SNTG1: variants seen among roughly 807,000 people sequenced by gnomAD.
The protein encoded by SNTG1 is syntrophin gamma 1, also known as gamma-1-syntrophin.
Under a neutral mutation model 74.7 loss-of-function variants are expected in SNTG1, and 39 were observed. The ratio of observed to expected loss-of-function variants is 0.52; its 90% CI spans 0.40 to 0.68. The LOEUF is 0.68. SNTG1 is among the 30% of genes least tolerant of loss of function. The pLI, the probability that SNTG1 is intolerant of heterozygous loss-of-function variation, is 0.00. For missense variants in SNTG1, 685 were observed against 609.5 expected (o/e 1.12, Z -1.30); for synonymous variants, 254 against 217.1 (o/e 1.17, Z -1.49).
intron 4 of SNTG1, among the ~76,000 whole-genome samples, chr8:50,418,761 A>T (rs1424791304): frequency 6.6e-6 from 1 of 152,050 alleles, no homozygotes. Context: ...AATTCCCTTC[A>T]CAACGTTTCC....
chr8:50,679,364 A>G (rs146289923), intron 15 of SNTG1, among the ~76,000 whole-genome samples: 7 of 152,242 alleles, frequency 4.6e-5, no homozygotes, highest in Non-Finnish European at 8.8e-5. Flanking sequence ...TTCTGGCCCA[A>G]TTAATATCAA....
intron 13 of SNTG1, among the ~76,000 whole-genome samples, chr8:50,623,870 TTTA>T (rs1229682785): frequency 6.6e-6 from 1 of 151,514 alleles, no homozygotes; most frequent in Non-Finnish European, 1.5e-5. Flanking sequence ...TACTTTTGTT[TTTA>T]TTATCTCTTT....
At chr8:50,687,724 G>A (rs946151317) in intron 15 of SNTG1, among the ~76,000 whole-genome samples, 9 of 150,894 alleles carry the variant, frequency 6.0e-5, no homozygotes, top group Non-Finnish European at 1.2e-4. Context: ...CTCCCCCCTC[G>A]CCCCACCCCA....
chr8:50,282,357 C>A (rs1185726637), intron 2 of SNTG1, among the ~76,000 whole-genome samples: 1 of 149,374 alleles, frequency 6.7e-6, no homozygotes, highest in Non-Finnish European at 1.5e-5. Context: ...CACGTTTATT[C>A]TCCAAAATAA....
intron 12 of SNTG1, among the ~76,000 whole-genome samples, chr8:50,576,624 G>A (rs1254286874): frequency 6.6e-6 from 1 of 151,788 alleles, no homozygotes; most frequent in Non-Finnish European, 1.5e-5. Context: ...TATTTGTCTT[G>A]TTTAATTTTT....
At chr8:49,979,734 C>T (rs982318842) in intron 1 of SNTG1, among the ~76,000 whole-genome samples, 6 of 152,200 alleles carry the variant, frequency 3.9e-5, no homozygotes, top group Admixed American at 1.3e-4. Flanking sequence ...TGCCCGCCCT[C>T]GGAGCCTGCT....
intron 2 of SNTG1, among the ~76,000 whole-genome samples, chr8:50,354,583 C>T (rs965713165): frequency 1.3e-5 from 2 of 152,168 alleles, no homozygotes; most frequent in African/African-American, 4.8e-5. Context: ...ATTGTCTCTT[C>T]TGTTATATTA....
chr8:50,783,051 C>T (rs1360605984), intron 18 of SNTG1, among the ~76,000 whole-genome samples: 15 of 152,238 alleles, frequency 9.9e-5, no homozygotes, highest in African/African-American at 1.4e-4. Flanking sequence ...GCTGTCTGAT[C>T]GTTCCTCTGA....
chr8:50,221,923 T>C (rs954501966), intron 2 of SNTG1, among the ~76,000 whole-genome samples: 1 of 152,152 alleles, frequency 6.6e-6, no homozygotes, highest in African/African-American at 2.4e-5. Flanking sequence ...CAAATCAGCC[T>C]TCCCAGAAAT....
At position 50,632,329 on chromosome 8, in the gene SNTG1, G is replaced by A. The variant is rs952227118; in HGVS notation, c.850-24580G>A. Reference sequence around the variant, plus strand: ...TATTTATTTATTTATTTATTTATTTGAGAGAGGGTCTCACTCTGTTGTCCA... The same window carrying A: ...TATTTATTTATTTATTTATTTATTTAAGAGAGGGTCTCACTCTGTTGTCCA... On this transcript the variant is annotated intron_variant, in intron 13 of 18. Transcript: ENST00000642720. Among the ~76,000 whole-genome samples, 3 of 122,026 alleles carry A rather than the reference G, an allele frequency of 2.5e-5. 1 individual carries two copies. Among genetic ancestry groups the A allele is most frequent in the South Asian group, 5.0e-4 (2 of 4,016 alleles). 80.1% of individuals were successfully genotyped at this position (122,026 alleles called of 152,430 possible).
chr8:50,129,523 G>A (rs749785601), intron 1 of SNTG1, among the ~76,000 whole-genome samples: 2 of 152,094 alleles, frequency 1.3e-5, no homozygotes, highest in Non-Finnish European at 2.9e-5. Flanking sequence ...TGTCAGCAAA[G>A]CACAAGCTAC....
At chr8:50,494,040 A>C (rs924941168) in intron 8 of SNTG1, among the ~76,000 whole-genome samples, 1 of 151,450 alleles carries the variant, frequency 6.6e-6, no homozygotes, top group African/African-American at 2.4e-5. Flanking sequence ...TAGAGTTTTC[A>C]TTAGGAATTG....
At chr8:50,209,809 T>A (rs1017019422) in intron 2 of SNTG1, among the ~76,000 whole-genome samples, 2 of 152,170 alleles carry the variant, frequency 1.3e-5, no homozygotes, top group African/African-American at 4.8e-5. Flanking sequence ...AAAATCAGAA[T>A]GCCTCTTCTC....
intron 2 of SNTG1, among the ~76,000 whole-genome samples, chr8:50,323,394 G>A: frequency 6.6e-6 from 1 of 152,140 alleles, no homozygotes; most frequent in East Asian, 1.9e-4. Context: ...GGATGCTGTG[G>A]ATGATTGTAA....
At chr8:50,409,171 C>G (rs542267021) in intron 4 of SNTG1, among the ~76,000 whole-genome samples, 25 of 152,156 alleles carry the variant, frequency 1.6e-4, no homozygotes, top group Non-Finnish European at 2.5e-4. Flanking sequence ...ACACTCTTGA[C>G]ATATTTAGCA....
At chr8:50,156,824 C>A (rs1418504939) in intron 1 of SNTG1, among the ~76,000 whole-genome samples, 1 of 152,060 alleles carries the variant, frequency 6.6e-6, no homozygotes, top group Non-Finnish European at 1.5e-5. Context: ...TCTTGGGCTA[C>A]CACGTCACAC....
At chr8:50,250,056 G>C (rs2086578307) in intron 2 of SNTG1, among the ~76,000 whole-genome samples, 1 of 149,706 alleles carries the variant, frequency 6.7e-6, no homozygotes, top group Admixed American at 6.7e-5. Flanking sequence ...AGAGGATCTA[G>C]AAAAAAAAAT....
At chr8:50,023,279 C>G (rs1025287474) in intron 1 of SNTG1, among the ~76,000 whole-genome samples, 1 of 152,080 alleles carries the variant, frequency 6.6e-6, no homozygotes, top group Non-Finnish European at 1.5e-5. Context: ...ATTCCATTAC[C>G]TCATCATTTT....
chr8:50,069,665 T>C (rs1821195817), intron 1 of SNTG1, among the ~76,000 whole-genome samples: 1 of 137,908 alleles, frequency 7.3e-6, no homozygotes, highest in South Asian at 2.5e-4. Context: ...CACAAGAAGA[T>C]ACCTTTTCCT....
Sources: gnomAD v4.1 joint callset for allele counts (sites outside exome capture counted in the v4.1 genomes callset) on GRCh38, gnomAD v4.1.1 for gene constraint, MANE v1.5 for transcripts, NCBI Gene and HGNC (gene_info 2026-07-23, HGNC 2026-07-21) for gene names.